Variants in ARHGEF1 observed in about 807,000 individuals in gnomAD.
The protein encoded by ARHGEF1 is Rho guanine nucleotide exchange factor 1.
In ARHGEF1, 40 loss-of-function variants were observed where a neutral mutation model predicts 119.7. That is an observed-to-expected ratio of 0.33 (90% CI 0.26 to 0.44). The LOEUF (loss-of-function observed/expected upper bound fraction) is 0.44, where lower values mean the gene tolerates loss of function less well. Ranked by LOEUF, ARHGEF1 falls within the 20% of genes least tolerant of loss-of-function variation. The probability of loss-of-function intolerance (pLI) is 1.00; values close to 1 mark genes in which losing one functional copy is unlikely to be tolerated. For synonymous variants in ARHGEF1, 494 were observed against 521.0 expected (o/e 0.95, Z 0.71); for missense variants, 976 against 1,268.3 (o/e 0.77, Z 3.50).
chr19:41,904,836 A>C lies in ARHGEF1; in HGVS notation c.2162-113A>C. The C allele has an allele frequency of 1.2e-6, 1 of 857,388 alleles. No individual in the cohort carries two copies. The highest frequency in any genetic ancestry group is 1.9e-6 in the Non-Finnish European group (1 of 516,940). The allele number at this position is 857,388 out of a possible 1,614,324, so 53.1% of individuals were successfully genotyped here. On this transcript the variant is annotated intron_variant, in intron 22 of 28. Coordinates refer to ENST00000354532, the MANE Select transcript of ARHGEF1 (RefSeq NM_004706.4). This position sits in a 1 kb window ranked among gnomAD's most constrained non-coding sequence, Gnocchi z 8.4. ...CAGACAGTGAGTGGTGAGTTGAGCC[A>C]TGGGAGCCCTGAGAGCGCCACCACT...
Position 41,897,849 on chromosome 19 carries a change from C to T in ARHGEF1, c.1122-593C>T, listed in dbSNP as rs1482221671. The T allele has an allele frequency of 4.9e-6, 6 of 1,219,418 alleles. 1 individual carries two copies. Among genetic ancestry groups the T allele is most frequent in the Non-Finnish European group, 6.3e-6 (6 of 958,858 alleles). 75.5% of individuals were successfully genotyped at this position (1,219,418 alleles called of 1,614,324 possible). The stretch of plus-strand genomic sequence containing the variant: ...GCCCTGGTCTCTCCCCGTCTCTGTC[C>T]CTGTCCTGGTTTCTCTTCGTCTCTG... On this transcript the variant is annotated intron_variant, in intron 13 of 28. Coordinates refer to ENST00000354532, the MANE Select transcript of ARHGEF1 (RefSeq NM_004706.4).
At position 41,902,789 on chromosome 19, in the gene ARHGEF1, T is replaced by G. The variant is rs1555849320; in HGVS notation, c.1629T>G (p.Ala543=). The G allele has an allele frequency of 1.9e-6, 3 of 1,612,974 alleles. No homozygotes were observed. The highest frequency in any genetic ancestry group is 1.7e-5 in the Admixed American group (1 of 59,962). The change falls in exon 18 of 29, where the codon GCT becomes GCG. Residue 543 remains alanine, a synonymous_variant. Coordinates refer to ENST00000354532, the MANE Select transcript of ARHGEF1 (RefSeq NM_004706.4). This position sits in a 1 kb window ranked among gnomAD's most constrained non-coding sequence, Gnocchi z 6.5. ...CACCAGCATGTTTCCCGCAGGAAGCTGAGAGCCGCCCGCGGTGCCGCCGCC... is the reference window on the plus strand; with the variant it reads ...CACCAGCATGTTTCCCGCAGGAAGCGGAGAGCCGCCCGCGGTGCCGCCGCC... ...DPRFCAFVQE[A]ESRPRCRRLQ...
chr19:41,892,499 G>A lies in ARHGEF1; in HGVS notation c.368-104G>A, dbSNP rs1555846423. The A allele has an allele frequency of 3.8e-6, 6 of 1,583,550 alleles. No individual in the cohort carries two copies. The East Asian group carries it at 1.1e-4, about 30-fold the overall frequency. On this transcript the variant is annotated intron_variant, in intron 6 of 28. Transcript: ENST00000354532. This position sits in a 1 kb window ranked among gnomAD's most constrained non-coding sequence, Gnocchi z 6.3. Reference sequence around the variant, plus strand: ...GCCGAGATTCATTCATTCCTTCTTGGCAGCGGCCTCAGGACGTGTGGCTGT... The same window carrying A: ...GCCGAGATTCATTCATTCCTTCTTGACAGCGGCCTCAGGACGTGTGGCTGT...
In ARHGEF1 at chr19:41,906,418, C is replaced by G; in HGVS notation, c.2492-39C>G. 6.6e-7 allele frequency: 1 copy of G among 1,522,560 alleles called. No homozygotes were observed. The highest frequency in any genetic ancestry group is 8.8e-7 in the Non-Finnish European group (1 of 1,139,468). 94.3% of individuals were successfully genotyped at this position (1,522,560 alleles called of 1,614,324 possible). On this transcript the variant is annotated intron_variant, in intron 26 of 28. Transcript: ENST00000354532. The surrounding 1 kb of genome is among the most constrained non-coding windows in gnomAD (Gnocchi z 4.5). Reference sequence around the variant, plus strand: ...CCCATCCCAGATCCCAGCCCAGCCCCCTGGTCTCCTGACTCCACCCCTCCT... The same window carrying G: ...CCCATCCCAGATCCCAGCCCAGCCCGCTGGTCTCCTGACTCCACCCCTCCT...
intron 1 of ARHGEF1, among the ~76,000 whole-genome samples, chr19:41,884,115 G>A (rs571131054): frequency 3.9e-5 from 6 of 152,298 alleles, no homozygotes; most frequent in Admixed American, 3.3e-4. Flanking sequence ...GCTCAGCGCT[G>A]GGGTGACTAG....
Position 41,905,666 on chromosome 19 carries a change from C to T in ARHGEF1, c.2337-94C>T. On this transcript the variant is annotated intron_variant, in intron 24 of 28. Transcript: ENST00000354532. This position sits in a 1 kb window ranked among gnomAD's most constrained non-coding sequence, Gnocchi z 6.4. ...TCGACCTCTGTCTCTGTCTCCGGAC[C>T]TCCCTGCCTCCCCACCTCCAGCTCT... 2.2e-6 allele frequency: 3 copies of T among 1,348,094 alleles called. No homozygotes were observed. Among genetic ancestry groups the T allele is most frequent in the Admixed American group, 1.8e-5 (1 of 55,072 alleles). The allele number at this position is 1,348,094 out of a possible 1,614,324, so 83.5% of individuals were successfully genotyped here. A position where few individuals can be genotyped will look rare whatever the true frequency, so the allele number is the denominator to read the frequency against.
chr19:41,898,288 A>T, intron 13 of ARHGEF1, 154 bp from the exon 14 acceptor site: 1 of 1,336,358 alleles, frequency 7.5e-7, no homozygotes, highest in Non-Finnish European at 1.0e-6. Flanking sequence ...TGGGAACTCT[A>T]GTGTGGTCCG....
chr19:41,929,103 A>C, intron 2 of ARHGEF1: 3 of 300,436 alleles, frequency 1.0e-5, no homozygotes, highest in Non-Finnish European at 2.0e-5. Flanking sequence ...ACCGTAATAC[A>C]GGAAGTGGAA....
At position 41,905,361 on chromosome 19, in the gene ARHGEF1, G is replaced by T; in HGVS notation, c.2336+100G>T. On this transcript the variant is annotated intron_variant, in intron 24 of 28. Coordinates refer to ENST00000354532, the MANE Select transcript of ARHGEF1 (RefSeq NM_004706.4). This position sits in a 1 kb window ranked among gnomAD's most constrained non-coding sequence, Gnocchi z 6.4. The stretch of plus-strand genomic sequence containing the variant: ...TCCAGAACCGTCTCTGTGTGAGCAT[G>T]CACATGTGTGAATGCATGTGTGTGC... The T allele has an allele frequency of 7.6e-6, 8 of 1,054,800 alleles. No homozygotes were observed. Among genetic ancestry groups the T allele is most frequent in the Non-Finnish European group, 1.1e-5 (8 of 721,688 alleles). 65.3% of individuals were successfully genotyped at this position (1,054,800 alleles called of 1,614,324 possible). A position where few individuals can be genotyped will look rare whatever the true frequency, so the allele number is the denominator to read the frequency against.
At chr19:41,894,076 G>T in intron 8 of ARHGEF1, 131 bp from the exon 9 acceptor site, 1 of 554,002 alleles carries the variant, frequency 1.8e-6, no homozygotes, top group South Asian at 4.3e-5. Flanking sequence ...TAGTTGTGGG[G>T]TCAGGATGGG....
Position 41,917,893 on chromosome 19 carries a change from G to T in ARHGEF1, c.1866-5199G>T, listed in dbSNP as rs974793371. ...GCCCCCAACACCCTGTCCCATCTGG[G>T]TGCACGAAGCCAGCTCCCCGCGGTC... On this transcript the variant is annotated intron_variant, in intron 18 of 20. Coordinates refer to the ARHGEF1 transcript ENST00000599589. The surrounding 1 kb of genome is among the most constrained non-coding windows in gnomAD (Gnocchi z 4.8). Among the ~76,000 whole-genome samples the T allele has an allele frequency of 8.6e-5, 13 of 151,966 alleles. No homozygotes were observed. Among genetic ancestry groups the T allele is most frequent in the African/African-American group, 3.1e-4 (13 of 41,298 alleles).
At chr19:41,926,973 C>T (rs552856342) in intron 1 of ARHGEF1, among the ~76,000 whole-genome samples, 24 of 150,656 alleles carry the variant, frequency 1.6e-4, no homozygotes, top group Non-Finnish European at 3.1e-4. Context: ...AAAGAGATGC[C>T]GAGAAAGGAA....
chr19:41,896,766 A>G (rs185955886), intron 13 of ARHGEF1: 2 of 447,432 alleles, frequency 4.5e-6, no homozygotes, highest in Non-Finnish European at 8.0e-6. Context: ...CCTCTCCACC[A>G]CTCCTTCCAT....
At chr19:41,930,141 A>C (rs2074895921), downstream of ARHGEF1, 1 of 152,234 alleles carries the variant, frequency 6.6e-6, no homozygotes, top group Non-Finnish European at 1.5e-5. Context: ...ATTTTGCCAG[A>C]TAACAAGAAT....
intron 12 of ARHGEF1, 34 bp from the exon 13 acceptor site, chr19:41,896,343 C>T: frequency 3.3e-6 from 4 of 1,205,768 alleles, no homozygotes; most frequent in Non-Finnish European, 4.3e-6. Context: ...GCCGCAGAGG[C>T]CTTCCAGCCA....
intron 14 of ARHGEF1, 48 bp downstream of exon 14, chr19:41,898,635 C>T (rs1555848490): frequency 6.5e-7 from 1 of 1,537,166 alleles, no homozygotes; most frequent in Admixed American, 2.1e-5. Flanking sequence ...CACAGTCCAG[C>T]TCTGGCAAAG....
rs1555850503 is a variant in ARHGEF1 at position 41,907,236 on chromosome 19, GC to G, written c.*150del. The G allele has an allele frequency of 6.6e-7, 1 of 1,520,834 alleles. No homozygotes were observed. The highest frequency in any genetic ancestry group is 1.2e-5 in the South Asian group (1 of 82,168). The allele number at this position is 1,520,834 out of a possible 1,614,324, so 94.2% of individuals were successfully genotyped here. A position where few individuals can be genotyped will look rare whatever the true frequency, so the allele number is the denominator to read the frequency against. ...GTGGGCCACGCCTGGGAGGGGCCCA[GC>G]TGGGGTTACTGGCCCCGCATGAGCC... On this transcript the variant is annotated 3_prime_UTR_variant, in exon 29 of 29. Transcript: ENST00000354532.
chr19:41,926,012 T>C (rs1186306937), intron 1 of ARHGEF1, among the ~76,000 whole-genome samples: 8 of 151,888 alleles, frequency 5.3e-5, no homozygotes, highest in Non-Finnish European at 1.0e-4. Context: ...GGTGACTCGG[T>C]ACTGCTTGAG....
intron 13 of ARHGEF1, chr19:41,896,753 C>T (rs781895467): frequency 8.1e-6 from 5 of 620,416 alleles, no homozygotes; most frequent in South Asian, 3.0e-5. Flanking sequence ...CTCCTCCTCC[C>T]TTCCTCTCCA....
Sources: allele counts gnomAD v4.1 joint callset (sites outside exome capture counted in the v4.1 genomes callset), GRCh38; gene constraint gnomAD v4.1.1; non-coding constraint Gnocchi (gnomAD v3.1); transcripts MANE v1.5; gene names NCBI Gene and HGNC (gene_info 2026-07-23, HGNC 2026-07-21).